Variants in SLC24A3 observed in about 807,000 individuals in gnomAD.
SLC24A3 encodes the protein solute carrier family 24 member 3.
Under a neutral mutation model 75.8 loss-of-function variants are expected in SLC24A3, and 28 were observed. The observed-to-expected ratio is 0.37, with a 90% CI of 0.27 to 0.51. The LOEUF (loss-of-function observed/expected upper bound fraction) is 0.51, where lower values mean the gene tolerates loss of function less well. Ranked by LOEUF, SLC24A3 falls within the 20% of genes least tolerant of loss-of-function variation. The pLI, the probability that SLC24A3 is intolerant of heterozygous loss-of-function variation, is 0.94. For missense variants in SLC24A3, 663 were observed against 847.8 expected (o/e 0.78, Z 2.71); for synonymous variants, 372 against 334.1 (o/e 1.11, Z -1.24).
intron 2 of SLC24A3, among the ~76,000 whole-genome samples, chr20:19,481,327 A>G (rs900979178): frequency 4.6e-5 from 7 of 152,214 alleles, no homozygotes; most frequent in African/African-American, 1.4e-4. Context: ...CTTCACACGT[A>G]CTAGTGCTTA....
chr20:19,573,279 G>A (rs138484855), intron 3 of SLC24A3, among the ~76,000 whole-genome samples: 86 of 152,298 alleles, frequency 5.6e-4, no homozygotes, highest in Admixed American at 1.2e-3. Context: ...AATATGTCAT[G>A]GGCCATGATG....
At chr20:19,218,388 T>C (rs1196394642) in intron 1 of SLC24A3, among the ~76,000 whole-genome samples, 1 of 152,086 alleles carries the variant, frequency 6.6e-6, no homozygotes, top group African/African-American at 2.4e-5. Flanking sequence ...AGTGGAGGGA[T>C]TTGAACCCAA....
chr20:19,561,519 C>A (rs2030874738), intron 3 of SLC24A3, among the ~76,000 whole-genome samples: 1 of 152,156 alleles, frequency 6.6e-6, no homozygotes, highest in Non-Finnish European at 1.5e-5. Flanking sequence ...AAGTAGCCCC[C>A]ACAGATGCAG....
intron 3 of SLC24A3, among the ~76,000 whole-genome samples, chr20:19,563,505 T>G (rs1173781909): frequency 6.6e-6 from 1 of 152,196 alleles, no homozygotes; most frequent in Non-Finnish European, 1.5e-5. Context: ...ACACACTTTT[T>G]TATTAATAGA....
At chr20:19,294,816 TG>T (rs1984023492) in intron 2 of SLC24A3, among the ~76,000 whole-genome samples, 1 of 152,218 alleles carries the variant, frequency 6.6e-6, no homozygotes. Context: ...ATGGGATTGC[TG>T]GGTCAAATGG....
intron 3 of SLC24A3, among the ~76,000 whole-genome samples, chr20:19,564,846 A>C (rs1426699044): frequency 2.0e-5 from 3 of 152,226 alleles, no homozygotes; most frequent in African/African-American, 4.8e-5. Flanking sequence ...CAATTCTTCC[A>C]GATAATCCTA....
At chr20:19,460,817 T>C (rs916354566) in intron 2 of SLC24A3, among the ~76,000 whole-genome samples, 1 of 152,140 alleles carries the variant, frequency 6.6e-6, no homozygotes. Flanking sequence ...CTATTGGCAT[T>C]TAGTAAAATT....
chr20:19,679,616 C>G (rs2032586006), intron 9 of SLC24A3, among the ~76,000 whole-genome samples: 1 of 151,908 alleles, frequency 6.6e-6, no homozygotes, highest in Non-Finnish European at 1.5e-5. Context: ...GGGAGACTCA[C>G]TCTTTTAGGA....
rs951673840 is a variant in SLC24A3, at chr20:19,637,696, C to T, written c.613-16366C>T. ...TGACGGATTAGAATGTAAATGTTTT[C>T]AGTGTTGACAATATAAGAATCAAGT... On this transcript the variant is annotated intron_variant, in intron 6 of 16. Transcript: ENST00000328041. 3.3e-5 allele frequency among the ~76,000 whole-genome samples: 5 copies of T among 152,214 alleles called. No homozygotes were observed. The South Asian group carries it at 1.0e-3, about 32-fold the overall frequency.
At chr20:19,346,267 ATATGGTG>A (rs1985418119) in intron 2 of SLC24A3, among the ~76,000 whole-genome samples, 1 of 112,344 alleles carries the variant, frequency 8.9e-6, no homozygotes, top group African/African-American at 4.7e-5. Context: ...TGGTATATAT[ATATGGTG>A]TATATATATA....
chr20:19,582,356 G>A (rs909130373), intron 4 of SLC24A3, among the ~76,000 whole-genome samples: 10 of 152,224 alleles, frequency 6.6e-5, no homozygotes, highest in African/African-American at 2.4e-4. Context: ...ACAGAAGGTT[G>A]TCGTTTCCAG....
chr20:19,325,757 CA>C (rs1984828596), intron 2 of SLC24A3, among the ~76,000 whole-genome samples: 1 of 39,604 alleles, frequency 2.5e-5, no homozygotes, highest in African/African-American at 1.6e-4. Context: ...TGTGTGTATA[CA>C]TACATACATA....
chr20:19,397,614 A>G (rs1177724044), intron 2 of SLC24A3, among the ~76,000 whole-genome samples: 1 of 148,960 alleles, frequency 6.7e-6, no homozygotes, highest in Admixed American at 6.7e-5. Flanking sequence ...AAATGTGGTT[A>G]TAAAGGAAAA....
At chr20:19,509,758 A>C (rs532056544) in intron 2 of SLC24A3, among the ~76,000 whole-genome samples, 1 of 152,190 alleles carries the variant, frequency 6.6e-6, no homozygotes, top group African/African-American at 2.4e-5. Context: ...TGCTGTGTGC[A>C]CTGCAGTGTA....
intron 1 of SLC24A3, among the ~76,000 whole-genome samples, chr20:19,261,072 C>T (rs181569233): frequency 6.6e-6 from 1 of 152,318 alleles, no homozygotes; most frequent in East Asian, 1.9e-4. Flanking sequence ...TTCAAGCTGC[C>T]TTGCAAATCA....
intron 2 of SLC24A3, among the ~76,000 whole-genome samples, chr20:19,410,695 T>C (rs1459038916): frequency 1.3e-5 from 2 of 152,150 alleles, no homozygotes; most frequent in African/African-American, 4.8e-5. Flanking sequence ...GCCTGGCACA[T>C]AATAGGTGCT....
chr20:19,279,352 T>G (rs1014425812), intron 1 of SLC24A3, among the ~76,000 whole-genome samples: 48 of 152,224 alleles, frequency 3.2e-4, no homozygotes, highest in African/African-American at 9.6e-4. Flanking sequence ...AGGTCCCTTC[T>G]TCAGTGCCAA....
intron 3 of SLC24A3, among the ~76,000 whole-genome samples, chr20:19,532,758 G>A (rs1350993537): frequency 1.3e-5 from 2 of 152,158 alleles, no homozygotes; most frequent in African/African-American, 4.8e-5. Context: ...TCAGAGCTAG[G>A]TACCATAGAG....
chr20:19,231,057 C>G (rs372131128), intron 1 of SLC24A3, among the ~76,000 whole-genome samples: 2 of 152,192 alleles, frequency 1.3e-5, no homozygotes, highest in African/African-American at 4.8e-5. Flanking sequence ...GTAATTATCT[C>G]TGCAGAACCA....
Sources: gnomAD v4.1 joint callset for allele counts (sites outside exome capture counted in the v4.1 genomes callset) on GRCh38, gnomAD v4.1.1 for gene constraint, MANE v1.5 for transcripts, NCBI Gene and HGNC (gene_info 2026-07-23, HGNC 2026-07-21) for gene names.